ARHGAP42: variants seen among roughly 807,000 people sequenced by gnomAD.
The protein encoded by ARHGAP42 is Rho GTPase activating protein 42, also known as rho GTPase-activating protein 42.
In ARHGAP42, 63 loss-of-function variants were observed where a neutral mutation model predicts 125.0. That is an observed-to-expected ratio of 0.50 (90% CI 0.41 to 0.62). The LOEUF is 0.62. Among genes scored for constraint, ARHGAP42 ranks in the 20% least tolerant of loss-of-function variants. ARHGAP42 has a pLI of 0.00. For synonymous variants in ARHGAP42, 339 were observed against 351.0 expected, an observed-to-expected ratio of 0.97 and a Z score of 0.38; for missense variants, 766 against 1,024.2, an observed-to-expected ratio of 0.75 and a Z score of 3.44.
intron 1 of ARHGAP42, among the ~76,000 whole-genome samples, chr11:100,690,772 A>AC (rs2120165370): frequency 6.7e-6 from 1 of 149,612 alleles, no homozygotes; most frequent in East Asian, 2.0e-4. Flanking sequence ...AATATTTTGT[A>AC]TTTTTTTTTA....
intron 2 of ARHGAP42, among the ~76,000 whole-genome samples, chr11:100,791,693 A>G (rs1402549178): frequency 5.9e-5 from 9 of 152,112 alleles, no homozygotes; most frequent in Admixed American, 5.2e-4. Flanking sequence ...CAACAAAAAA[A>G]AAAAGAGGGA....
At chr11:100,705,017 A>AACAAC (rs1861460179) in intron 1 of ARHGAP42, among the ~76,000 whole-genome samples, 3 of 127,386 alleles carry the variant, frequency 2.4e-5, no homozygotes, top group Admixed American at 7.8e-5. Flanking sequence ...CAACAACAAA[A>AACAAC]AAAAAAAAAA....
chr11:100,859,565 T>G lies in ARHGAP42; in HGVS notation c.324T>G (p.Ala108=), dbSNP rs539855964. ...EEERRRLIQN[A]NDVLIAPLEK... Reference sequence around the variant, plus strand: ...ATTTTTTATTTCAGATCCAAAACGCTAACGATGTATTAATTGCACCACTTG... The same window carrying G: ...ATTTTTTATTTCAGATCCAAAACGCGAACGATGTATTAATTGCACCACTTG... Residue 108 remains alanine (A), a synonymous_variant, in exon 4 of 24, where the codon GCT becomes GCG. Coordinates refer to ENST00000298815, the MANE Select transcript of ARHGAP42 (RefSeq NM_152432.4). The G allele has an allele frequency of 6.6e-7, 1 of 1,523,244 alleles. No individual in the cohort carries two copies. The highest frequency in any genetic ancestry group is 1.4e-5 in the African/African-American group (1 of 71,300). The allele number at this position is 1,523,244 out of a possible 1,614,324, so 94.4% of individuals were successfully genotyped here. A position where few individuals can be genotyped will look rare whatever the true frequency, so the allele number is the denominator to read the frequency against.
intron 3 of ARHGAP42, among the ~76,000 whole-genome samples, chr11:100,795,955 C>T (rs1415768741): frequency 6.6e-6 from 1 of 152,164 alleles, no homozygotes; most frequent in Non-Finnish European, 1.5e-5. Context: ...CCTCACTGTC[C>T]ACTTGGGGGA....
chr11:100,887,929 C>T (rs1351528425), intron 4 of ARHGAP42, among the ~76,000 whole-genome samples: 1 of 152,232 alleles, frequency 6.6e-6, no homozygotes, highest in African/African-American at 2.4e-5. Context: ...TGGGCTTTTC[C>T]TCCCTGCATC....
chr11:100,965,149 T>C (rs1411823263), intron 16 of ARHGAP42, among the ~76,000 whole-genome samples: 1 of 151,980 alleles, frequency 6.6e-6, no homozygotes, highest in Non-Finnish European at 1.5e-5. Context: ...GAGAACAGCA[T>C]AGGGTAACCG....
intron 22 of ARHGAP42, among the ~76,000 whole-genome samples, chr11:100,980,559 C>CTTCTTCTTTTTTTTTTTT (rs1555037006): frequency 7.7e-5 from 4 of 51,962 alleles, no homozygotes; most frequent in Non-Finnish European, 1.5e-4. Flanking sequence ...TTTTCTTCTT[C>CTTCTTCTTTTTTTTTTTT]TTTTTTTTTT....
At chr11:100,813,195 T>A (rs1416371094) in intron 3 of ARHGAP42, among the ~76,000 whole-genome samples, 1 of 151,846 alleles carries the variant, frequency 6.6e-6, no homozygotes, top group Non-Finnish European at 1.5e-5. Context: ...TGTTGATATT[T>A]TGGAACAGAT....
At chr11:100,849,432 GT>G (rs1305560167) in intron 3 of ARHGAP42, among the ~76,000 whole-genome samples, 2 of 152,172 alleles carry the variant, frequency 1.3e-5, no homozygotes, top group African/African-American at 4.8e-5. Context: ...CTAAGAGCCT[GT>G]GCTCAAACGC....
intron 3 of ARHGAP42, among the ~76,000 whole-genome samples, chr11:100,856,658 A>T (rs991578137): frequency 1.3e-5 from 2 of 152,116 alleles, no homozygotes; most frequent in Admixed American, 6.6e-5. Context: ...TACTACTGCT[A>T]GGCCTCTGGA....
Position 100,770,334 on chromosome 11 carries a change from T to C in ARHGAP42, c.155-9T>C. 1 of 1,533,266 alleles carries C rather than the reference T, an allele frequency of 6.5e-7. No homozygotes were observed. The highest frequency in any genetic ancestry group is 8.8e-7 in the Non-Finnish European group (1 of 1,138,920). The allele number at this position is 1,533,266 out of a possible 1,614,324, so 95.0% of individuals were successfully genotyped here. ...CCTTATGGATTTTTTGCTTAACTTT[T>C]ACTTGCAGATCTGTCTATGGCAGTG... is the stretch of plus-strand genomic sequence containing the variant. On this transcript the variant is annotated splice_polypyrimidine_tract_variant and intron_variant, in intron 1 of 23. Transcript: ENST00000298815.
At chr11:100,810,892 T>A (rs950534594) in intron 3 of ARHGAP42, among the ~76,000 whole-genome samples, 23 of 152,156 alleles carry the variant, frequency 1.5e-4, no homozygotes, top group African/African-American at 5.3e-4. Context: ...GTGTTCAGCA[T>A]TTCCCAAAGT....
At chr11:100,691,566 A>G (rs1861191268) in intron 1 of ARHGAP42, among the ~76,000 whole-genome samples, 1 of 152,152 alleles carries the variant, frequency 6.6e-6, no homozygotes, top group Admixed American at 6.5e-5. Flanking sequence ...TCTGTCATGG[A>G]GTGCAGTGAT....
At chr11:100,754,889 G>A (rs1246203059) in intron 1 of ARHGAP42, among the ~76,000 whole-genome samples, 1 of 152,188 alleles carries the variant, frequency 6.6e-6, no homozygotes, top group Non-Finnish European at 1.5e-5. Flanking sequence ...ATAAAAAAGT[G>A]CTGTGCTTAT....
At chr11:100,802,000 C>T (rs1863864510) in intron 3 of ARHGAP42, among the ~76,000 whole-genome samples, 1 of 152,114 alleles carries the variant, frequency 6.6e-6, no homozygotes. Context: ...ACATAAAATG[C>T]AGCACTTAAA....
At chr11:100,881,592 T>A (rs1464018110) in intron 4 of ARHGAP42, among the ~76,000 whole-genome samples, 1 of 152,146 alleles carries the variant, frequency 6.6e-6, no homozygotes, top group African/African-American at 2.4e-5. Flanking sequence ...ATTTTTGGAT[T>A]GTTTTTTCTA....
chr11:100,872,027 G>A (rs1865708934), intron 4 of ARHGAP42, among the ~76,000 whole-genome samples: 1 of 152,172 alleles, frequency 6.6e-6, no homozygotes, highest in Admixed American at 6.5e-5. Context: ...ACAGGCGTGA[G>A]CCACTGCACC....
chr11:100,984,670 T>A (rs911202742), intron 22 of ARHGAP42, among the ~76,000 whole-genome samples: 1 of 151,866 alleles, frequency 6.6e-6, no homozygotes, highest in South Asian at 2.1e-4. Context: ...ATGAGGCTGG[T>A]GGGCAGATTA....
chr11:100,801,709 G>A (rs183561927), intron 3 of ARHGAP42, among the ~76,000 whole-genome samples: 11 of 152,270 alleles, frequency 7.2e-5, no homozygotes, highest in Admixed American at 2.6e-4. Flanking sequence ...ATAATGGAAA[G>A]TATGTTTCAG....
Sources: allele counts gnomAD v4.1 joint callset (sites outside exome capture counted in the v4.1 genomes callset), GRCh38; gene constraint gnomAD v4.1.1; transcripts MANE v1.5; gene names NCBI Gene and HGNC (gene_info 2026-07-23, HGNC 2026-07-21).